The following ELMO1 variants were observed in gnomAD, a reference collection of about 807,000 sequenced individuals.
The protein encoded by ELMO1 is engulfment and cell motility 1, also known as engulfment and cell motility protein 1.
In ELMO1, 26 loss-of-function variants were observed where a neutral mutation model predicts 98.9. The observed-to-expected ratio is 0.26, with a 90% CI of 0.19 to 0.36. ELMO1 has a LOEUF of 0.36. Among genes scored for constraint, ELMO1 ranks in the 10% least tolerant of loss-of-function variants. The pLI is 1.00. For synonymous variants in ELMO1, 346 were observed against 346.0 expected, an observed-to-expected ratio of 1.00 and a Z score of 0.00; for missense variants, 627 against 935.2, an observed-to-expected ratio of 0.67 and a Z score of 4.30.
At chr7:37,040,461 T>A (rs894271869) in intron 15 of ELMO1, among the ~76,000 whole-genome samples, 1 of 152,138 alleles carries the variant, frequency 6.6e-6, no homozygotes, top group South Asian at 2.1e-4. Context: ...AAACATTAAC[T>A]GATACAGGAA....
intron 1 of ELMO1, among the ~76,000 whole-genome samples, chr7:37,358,733 G>T (rs913998581): frequency 6.6e-6 from 1 of 152,144 alleles, no homozygotes; most frequent in African/African-American, 2.4e-5. Flanking sequence ...AAGAGAACAG[G>T]CTTTGGAGGC....
At chr7:36,971,975 G>A (rs548897397) in intron 16 of ELMO1, among the ~76,000 whole-genome samples, 3 of 152,278 alleles carry the variant, frequency 2.0e-5, no homozygotes, top group East Asian at 3.9e-4. Flanking sequence ...AGGGGACCAT[G>A]CGGGCTTTCT....
At chr7:37,145,240 G>A (rs1049098816) in intron 13 of ELMO1, among the ~76,000 whole-genome samples, 16 of 152,334 alleles carry the variant, frequency 1.1e-4, no homozygotes, top group Non-Finnish European at 2.1e-4. Context: ...AGAGAGGATA[G>A]CTCATCTCAA....
At chr7:37,119,899 G>A (rs1245855069) in intron 14 of ELMO1, among the ~76,000 whole-genome samples, 2 of 152,124 alleles carry the variant, frequency 1.3e-5, no homozygotes, top group Non-Finnish European at 1.5e-5. Flanking sequence ...TAAATTATGA[G>A]GGACGCTGAA....
intron 16 of ELMO1, among the ~76,000 whole-genome samples, chr7:37,012,893 T>G (rs1793654223): frequency 6.6e-6 from 1 of 152,318 alleles, no homozygotes; most frequent in African/African-American, 2.4e-5. Flanking sequence ...GGTGGAGCAG[T>G]ATTCCTGATC....
intron 13 of ELMO1, among the ~76,000 whole-genome samples, chr7:37,157,707 A>G (rs1200570580): frequency 2.0e-5 from 3 of 152,300 alleles, no homozygotes; most frequent in East Asian, 3.9e-4. Context: ...AAGAATCAAT[A>G]TCGTGAAAAT....
At chr7:36,893,685 G>A (rs529696029) in intron 17 of ELMO1, among the ~76,000 whole-genome samples, 1 of 152,134 alleles carries the variant, frequency 6.6e-6, no homozygotes, top group African/African-American at 2.4e-5. Flanking sequence ...AATATTAGCT[G>A]AGGGGTCAGT....
chr7:36,878,139 T>G, intron 18 of ELMO1, 22 bp from the exon 19 acceptor site: 1 of 1,581,560 alleles, frequency 6.3e-7, no homozygotes, highest in South Asian at 1.1e-5. Flanking sequence ...AACACAAGTT[T>G]ACAAGGTAAG....
At chr7:37,047,853 C>G (rs1795886396) in intron 15 of ELMO1, among the ~76,000 whole-genome samples, 1 of 151,818 alleles carries the variant, frequency 6.6e-6, no homozygotes, top group Admixed American at 6.6e-5. Flanking sequence ...TTTTCTCTTT[C>G]CCAATTTTCC....
chr7:37,287,719 G>C (rs937195825), intron 4 of ELMO1, among the ~76,000 whole-genome samples: 3 of 152,108 alleles, frequency 2.0e-5, no homozygotes, highest in Admixed American at 2.0e-4. Flanking sequence ...ATTGTACTTG[G>C]AAGGAGATCC....
intron 15 of ELMO1, among the ~76,000 whole-genome samples, chr7:37,081,856 C>T (rs545288163): frequency 6.6e-6 from 1 of 152,234 alleles, no homozygotes; most frequent in Non-Finnish European, 1.5e-5. Context: ...ATGAACCCTG[C>T]GAGGCCTTAC....
At chr7:36,954,530 C>T (rs1385539054) in intron 16 of ELMO1, among the ~76,000 whole-genome samples, 1 of 152,136 alleles carries the variant, frequency 6.6e-6, no homozygotes, top group African/African-American at 2.4e-5. Context: ...GGATCCTCCC[C>T]CACAAGCACA....
chr7:37,381,604 A>C (rs1368488239), intron 1 of ELMO1, among the ~76,000 whole-genome samples: 1 of 152,242 alleles, frequency 6.6e-6, no homozygotes, highest in African/African-American at 2.4e-5. Flanking sequence ...TAAGATTAAC[A>C]TAAATGTAAA....
rs185800867 is a variant in ELMO1 at position 37,342,290 on chromosome 7, C to A, written c.78+323G>T. 6.6e-6 allele frequency among the ~76,000 whole-genome samples: 1 copy of A among 152,274 alleles called. No individual in the cohort carries two copies. The highest frequency in any genetic ancestry group is 1.5e-5 in the Non-Finnish European group (1 of 68,020). On this transcript the variant is annotated intron_variant, in intron 2 of 21. Transcript: ENST00000310758. This position sits in a 1 kb window ranked among gnomAD's most constrained non-coding sequence, Gnocchi z 4.3. ...TGTGTTCCAACAATCTGCACATATC[C>A]ATGTGTCATGGCAAGGCAGGGATGG... is the stretch of plus-strand genomic sequence containing the variant.
At chr7:37,402,244 T>G (rs1453107275) in intron 1 of ELMO1, among the ~76,000 whole-genome samples, 1 of 152,138 alleles carries the variant, frequency 6.6e-6, no homozygotes, top group Non-Finnish European at 1.5e-5. Flanking sequence ...GATAAATGGA[T>G]GAGGCCAGGT....
intron 17 of ELMO1, among the ~76,000 whole-genome samples, chr7:36,894,428 G>T (rs776191118): frequency 6.6e-6 from 1 of 152,210 alleles, no homozygotes; most frequent in Non-Finnish European, 1.5e-5. Flanking sequence ...CACTCATTTA[G>T]ATTCATGCTA....
At chr7:37,391,586 A>G (rs1803078725) in intron 1 of ELMO1, among the ~76,000 whole-genome samples, 1 of 152,220 alleles carries the variant, frequency 6.6e-6, no homozygotes, top group South Asian at 2.1e-4. Context: ...AGTTTATACC[A>G]GGAGGTGCAC....
At chr7:37,067,736 CTTTT>C (rs542773980) in intron 15 of ELMO1, among the ~76,000 whole-genome samples, 1 of 148,092 alleles carries the variant, frequency 6.8e-6, no homozygotes, top group Non-Finnish European at 1.5e-5. Flanking sequence ...CATAATCTTT[CTTTT>C]TTTTTTGAAA....
chr7:37,290,246 A>T (rs1583467053), intron 4 of ELMO1, among the ~76,000 whole-genome samples: 1 of 151,728 alleles, frequency 6.6e-6, no homozygotes, highest in East Asian at 1.9e-4. Flanking sequence ...TTTTAGTATT[A>T]AAAAAAATCC....
Sources: gnomAD v4.1 joint callset for allele counts (sites outside exome capture counted in the v4.1 genomes callset) on GRCh38, gnomAD v4.1.1 for gene constraint, Gnocchi (gnomAD v3.1) non-coding constraint, MANE v1.5 for transcripts, NCBI Gene and HGNC (gene_info 2026-07-23, HGNC 2026-07-21) for gene names.